ELAPOR2: variants seen among roughly 807,000 people sequenced by gnomAD.
ELAPOR2 encodes endosome/lysosome-associated apoptosis and autophagy regulator family member 2.
ELAPOR2 carries 89 observed loss-of-function variants against 120.7 expected under a neutral mutation model. The observed-to-expected ratio is 0.74, with a 90% CI of 0.62 to 0.88. The LOEUF (loss-of-function observed/expected upper bound fraction) is 0.88, where lower values mean the gene tolerates loss of function less well. Among genes scored for constraint, ELAPOR2 ranks in the 40% least tolerant of loss-of-function variants. The pLI, the probability that ELAPOR2 is intolerant of heterozygous loss-of-function variation, is 0.00. For missense variants in ELAPOR2, 1,134 were observed against 1,251.6 expected (o/e 0.91, Z 1.42); for synonymous variants, 444 against 444.9 (o/e 1.00, Z 0.03).
At chr7:86,973,590 C>G (rs1440924994) in intron 1 of ELAPOR2, among the ~76,000 whole-genome samples, 1 of 152,162 alleles carries the variant, frequency 6.6e-6, no homozygotes, top group African/African-American at 2.4e-5. Flanking sequence ...AAGGCAACCC[C>G]AGCCTGCACA....
intron 1 of ELAPOR2, among the ~76,000 whole-genome samples, chr7:86,999,249 C>A (rs1793231410): frequency 6.6e-6 from 1 of 152,074 alleles, no homozygotes; most frequent in African/African-American, 2.4e-5. Flanking sequence ...TTAATTTGGG[C>A]AAGGTATTCC....
In ELAPOR2 at chr7:86,877,710, G is replaced by C. The variant is rs975749711; in HGVS notation, c.*2761C>G. The C allele has an allele frequency of 1.3e-5, 2 of 152,118 alleles. No individual in the cohort carries two copies. The highest frequency in any genetic ancestry group is 4.8e-5 in the African/African-American group (2 of 41,418). 9.4% of individuals were successfully genotyped at this position (152,118 alleles called of 1,614,324 possible). On this transcript the variant is annotated 3_prime_UTR_variant, in exon 22 of 22. Coordinates refer to ENST00000450689, the MANE Select transcript of ELAPOR2 (RefSeq NM_001142749.3). ...CAATCATGACCCACCTGGGGACCTG[G>C]AGACCCCAGATGCTAAAGACTGGAC...
intron 1 of ELAPOR2, among the ~76,000 whole-genome samples, chr7:86,999,365 C>G (rs1272139202): frequency 6.6e-6 from 1 of 151,858 alleles, no homozygotes; most frequent in Non-Finnish European, 1.5e-5. Flanking sequence ...AAGAAAAGCC[C>G]TAGAAGGGAA....
At chr7:86,985,966 C>A (rs1792715743) in intron 1 of ELAPOR2, among the ~76,000 whole-genome samples, 1 of 151,904 alleles carries the variant, frequency 6.6e-6, no homozygotes, top group African/African-American at 2.4e-5. Flanking sequence ...ACTGAATGGG[C>A]AAAAACTGGA....
At position 86,910,012 on chromosome 7, in the gene ELAPOR2, A is replaced by G. The variant is rs775280861; in HGVS notation, c.2170-11T>C. On this transcript the variant is annotated splice_polypyrimidine_tract_variant and intron_variant, in intron 15 of 21. Coordinates refer to ENST00000450689, the MANE Select transcript of ELAPOR2 (RefSeq NM_001142749.3). ...AGCCATCTTCTTCCCCTAGGAAAAT[A>G]AAGTCATAAAAGAAAGGTTTTATTG... 1.3e-6 allele frequency: 2 copies of G among 1,595,064 alleles called. No homozygotes were observed. The highest frequency in any genetic ancestry group is 1.7e-6 in the Non-Finnish European group (2 of 1,169,748).
intron 1 of ELAPOR2, among the ~76,000 whole-genome samples, chr7:87,036,643 G>A (rs1367534381): frequency 2.6e-5 from 4 of 152,192 alleles, no homozygotes; most frequent in African/African-American, 9.7e-5. Flanking sequence ...AAACATGGAT[G>A]TAGCTGGAGG....
At chr7:87,010,438 C>T (rs1267033835) in intron 1 of ELAPOR2, among the ~76,000 whole-genome samples, 1 of 152,158 alleles carries the variant, frequency 6.6e-6, no homozygotes, top group Non-Finnish European at 1.5e-5. Flanking sequence ...ACTAAGCATC[C>T]TCTAGCATTT....
At chr7:87,004,931 C>T (rs1471023497) in intron 1 of ELAPOR2, among the ~76,000 whole-genome samples, 1 of 152,076 alleles carries the variant, frequency 6.6e-6, no homozygotes, top group African/African-American at 2.4e-5. Context: ...AGAGCTATGA[C>T]CCCTCTTTGC....
intron 1 of ELAPOR2, among the ~76,000 whole-genome samples, chr7:87,054,570 T>C (rs1795206658): frequency 6.6e-6 from 1 of 152,208 alleles, no homozygotes; most frequent in South Asian, 2.1e-4. Flanking sequence ...CCATAGCCCA[T>C]GGCCTTCAGG....
chr7:86,938,752 T>C, intron 7 of ELAPOR2, 56 bp downstream of exon 7: 1 of 1,582,816 alleles, frequency 6.3e-7, no homozygotes, highest in East Asian at 2.2e-5. Context: ...TTTATAAATG[T>C]ACACTTGACC....
Position 86,880,378 on chromosome 7 carries a change from G to T in ELAPOR2, c.*93C>A. On this transcript the variant is annotated 3_prime_UTR_variant, in exon 22 of 22. Coordinates refer to ENST00000450689, the MANE Select transcript of ELAPOR2 (RefSeq NM_001142749.3). ...GGCCCTCCTCTGTGAGATCACCAAT[G>T]TGACAGGTATGAGGACAGACCCTAA... is the stretch of plus-strand genomic sequence containing the variant. The T allele has an allele frequency of 1.1e-6, 1 of 890,874 alleles. No homozygotes were observed. Among genetic ancestry groups the T allele is most frequent in the Non-Finnish European group, 1.8e-6 (1 of 541,082 alleles). The allele number at this position is 890,874 out of a possible 1,614,324, so 55.2% of individuals were successfully genotyped here.
intron 1 of ELAPOR2, among the ~76,000 whole-genome samples, chr7:87,028,318 C>T (rs1381730711): frequency 2.6e-5 from 4 of 151,962 alleles, no homozygotes; most frequent in Admixed American, 1.3e-4. Context: ...TTCAATATTC[C>T]TCTCACTAGA....
At chr7:87,055,037 T>A (rs1795219836) in intron 1 of ELAPOR2, among the ~76,000 whole-genome samples, 1 of 152,210 alleles carries the variant, frequency 6.6e-6, no homozygotes, top group Non-Finnish European at 1.5e-5. Flanking sequence ...TTCAGCACTT[T>A]GTTCTCACTC....
At chr7:86,964,787 A>G in intron 2 of ELAPOR2, 117 bp downstream of exon 2, 4 of 1,048,390 alleles carry the variant, frequency 3.8e-6, no homozygotes, top group Non-Finnish European at 4.1e-6. Flanking sequence ...CTGGTTATCA[A>G]TGCCATATGC....
chr7:87,009,122 C>T (rs926647677), intron 1 of ELAPOR2, among the ~76,000 whole-genome samples: 8 of 152,128 alleles, frequency 5.3e-5, no homozygotes, highest in African/African-American at 1.9e-4. Flanking sequence ...CAAAAACCAC[C>T]TATGAGACAT....
intron 8 of ELAPOR2, among the ~76,000 whole-genome samples, chr7:86,934,978 T>C (rs1790504163): frequency 6.6e-6 from 1 of 152,064 alleles, no homozygotes; most frequent in African/African-American, 2.4e-5. Context: ...CTTCTGTCTA[T>C]TCCCTTTACC....
Position 86,926,736 on chromosome 7 carries a change from C to T in ELAPOR2, c.1270G>A (p.Glu424Lys). The change falls in exon 9 of 22, where the codon GAA becomes AAA. Residue 424 changes from glutamate (E) to lysine (K), a missense_variant and splice_region_variant. Physicochemically the swap from Glu to Lys is moderately conservative, Grantham distance 56. This residue lies in a region of ELAPOR2 where 831 missense variants were observed against 867.6 expected (regional missense o/e 0.96). Coordinates refer to ENST00000450689, the MANE Select transcript of ELAPOR2 (RefSeq NM_001142749.3). ...PPGTFSDGTKECRPCPAGTEP... is the reference protein window; with the variant it reads ...PPGTFSDGTKKCRPCPAGTEP... ...GTTATTGGACCAATTGACATCCTAC[C>T]TTTGGTTCCATCTGAAAATGTTCCA... The T allele has an allele frequency of 6.2e-7, 1 of 1,605,298 alleles. No homozygotes were observed. The highest frequency in any genetic ancestry group is 1.3e-5 in the African/African-American group (1 of 74,404).
At chr7:87,038,772 T>C (rs145617272) in intron 1 of ELAPOR2, among the ~76,000 whole-genome samples, 1,677 of 152,064 alleles carry the variant, frequency 0.011, 35 homozygotes, top group African/African-American at 0.039. Flanking sequence ...CCAAAACTTA[T>C]GGGATACAAC....
chr7:87,043,738 T>C (rs1441089227), intron 1 of ELAPOR2, among the ~76,000 whole-genome samples: 2 of 151,414 alleles, frequency 1.3e-5, no homozygotes, highest in Non-Finnish European at 2.9e-5. Context: ...CTATTCAACA[T>C]AGTGCTGGAA....
Sources: gnomAD v4.1 joint callset for allele counts (sites outside exome capture counted in the v4.1 genomes callset) on GRCh38, gnomAD v4.1.1 for gene constraint, gnomAD v4.1.1 regional missense constraint, MANE v1.5 for transcripts, NCBI Gene and HGNC (gene_info 2026-07-23, HGNC 2026-07-21) for gene names.